CACNA1G: variants seen among roughly 807,000 people sequenced by gnomAD.
CACNA1G encodes the protein voltage-dependent T-type calcium channel subunit alpha-1G.
In CACNA1G, 67 loss-of-function variants were observed where a neutral mutation model predicts 219.4. The observed-to-expected ratio is 0.31, with a 90% CI of 0.25 to 0.37. The LOEUF (loss-of-function observed/expected upper bound fraction) is 0.37, where lower values mean the gene tolerates loss of function less well. CACNA1G is among the 10% of genes least tolerant of loss of function. CACNA1G has a pLI of 1.00. For missense variants in CACNA1G, 2,380 were observed against 3,231.4 expected, an observed-to-expected ratio of 0.74 and a Z score of 6.39; for synonymous variants, 1,296 against 1,345.3, an observed-to-expected ratio of 0.96 and a Z score of 0.80.
intron 17 of CACNA1G, 38 bp downstream of exon 17, chr17:50,599,897 A>G (rs1194936259): frequency 6.3e-7 from 1 of 1,576,548 alleles, no homozygotes. Flanking sequence ...CTCACCCCTG[A>G]CCTTGAAAGA....
At chr17:50,580,265 G>A (rs1282039994) in intron 9 of CACNA1G, among the ~76,000 whole-genome samples, 2 of 152,216 alleles carry the variant, frequency 1.3e-5, no homozygotes, top group Non-Finnish European at 2.9e-5. Flanking sequence ...ATTGGTGGCA[G>A]TGGGGGGTGG....
Position 50,616,378 on chromosome 17 carries a change from A to G in CACNA1G, c.5015A>G (p.Gln1672Arg), listed in dbSNP as rs2050601099. The change falls in exon 28 of 38, where the codon CAG (glutamine) becomes CGG (arginine). Residue 1672 changes from glutamine (Q) to arginine (R), a missense_variant. Gln to Arg is a conservative substitution (Grantham distance 43). Around this residue, in one of 17 missense-constraint regions of CACNA1G, gnomAD observed 123 missense variants for 258.4 expected, o/e 0.48. Coordinates refer to ENST00000359106, the MANE Select transcript of CACNA1G (RefSeq NM_018896.5). ...LVAFGFRRFF[Q>R]DRWNQLDLAI... ...GCCTTTGGTTTCCGTCGGTTCTTCC[A>G]GGACAGGTAACGGAGAAAAGGGGGG... 1 of 1,603,970 alleles carries G rather than the reference A, an allele frequency of 6.2e-7. No individual in the cohort carries two copies. The highest frequency in any genetic ancestry group is 1.7e-5 in the Admixed American group (1 of 59,924).
In CACNA1G at chr17:50,561,083, G is replaced by GC. The variant is rs1296686685; in HGVS notation, c.-371dup. ...CCCCGGACCCCCGCCCTCCGCCGCT[G>GC]CCCCCCTTTTCGTTCGCCCTCTCGG... is the stretch of plus-strand genomic sequence containing the variant. On this transcript the variant is annotated 5_prime_UTR_variant, in exon 1 of 38. Coordinates refer to ENST00000359106, the MANE Select transcript of CACNA1G (RefSeq NM_018896.5). The GC allele has an allele frequency of 2.3e-6, 1 of 436,204 alleles. No homozygotes were observed. Among genetic ancestry groups the GC allele is most frequent in the South Asian group, 1.7e-5 (1 of 60,190 alleles). The allele number at this position is 436,204 out of a possible 1,614,324, so 27.0% of individuals were successfully genotyped here. A position where few individuals can be genotyped will look rare whatever the true frequency, so the allele number is the denominator to read the frequency against.
At chr17:50,566,762 CCA>C (rs2037987433) in intron 1 of CACNA1G, among the ~76,000 whole-genome samples, 1 of 152,208 alleles carries the variant, frequency 6.6e-6, no homozygotes, top group Non-Finnish European at 1.5e-5. Flanking sequence ...CTGCTCCGTG[CCA>C]GGCACTACAG....
At chr17:50,604,091 T>A in intron 21 of CACNA1G, 64 bp from the exon 22 acceptor site, 1 of 1,539,832 alleles carries the variant, frequency 6.5e-7, no homozygotes, top group Non-Finnish European at 8.8e-7. Flanking sequence ...GGGAGCAGGG[T>A]CAAGGGACAA....
intron 8 of CACNA1G, among the ~76,000 whole-genome samples, chr17:50,577,760 C>T (rs530284979): frequency 5.9e-5 from 9 of 151,964 alleles, no homozygotes; most frequent in Admixed American, 1.3e-4. Flanking sequence ...TGCAGGTGCA[C>T]GTGTCTGGTG....
chr17:50,610,832 A>G (rs969811261), intron 26 of CACNA1G, among the ~76,000 whole-genome samples: 2 of 152,202 alleles, frequency 1.3e-5, no homozygotes, highest in Non-Finnish European at 2.9e-5. Context: ...ATTGCTAATC[A>G]CAGCTTCTGA....
chr17:50,568,174 C>A (rs896573840), intron 1 of CACNA1G, among the ~76,000 whole-genome samples: 1 of 152,158 alleles, frequency 6.6e-6, no homozygotes, highest in Non-Finnish European at 1.5e-5. Flanking sequence ...GTCTGCCTTA[C>A]ACCTAGTGCC....
chr17:50,588,449 C>T (rs75874977), intron 9 of CACNA1G, among the ~76,000 whole-genome samples: 7,526 of 78,332 alleles, frequency 0.096, 267 homozygotes, highest in African/African-American at 0.18. Context: ...GAGGGTTTGC[C>T]GACTCCCGCT....
intron 19 of CACNA1G, among the ~76,000 whole-genome samples, chr17:50,602,344 G>C (rs963468320): frequency 1.1e-4 from 17 of 152,350 alleles, no homozygotes; most frequent in Non-Finnish European, 1.9e-4. Context: ...CCCTGCCCCA[G>C]CCTGTGCCTG....
chr17:50,572,476 C>T, intron 5 of CACNA1G, 78 bp from the exon 6 acceptor site: 2 of 1,256,466 alleles, frequency 1.6e-6, no homozygotes, highest in African/African-American at 1.5e-5. Context: ...AGCACTCGTG[C>T]CATCTCTCCC....
At chr17:50,612,003 C>A (rs1212526486) in intron 26 of CACNA1G, among the ~76,000 whole-genome samples, 2 of 152,236 alleles carry the variant, frequency 1.3e-5, no homozygotes, top group Non-Finnish European at 2.9e-5. Context: ...CTCAGAGACC[C>A]CGAACAAGGG....
At chr17:50,570,880 C>T (rs1039150169) in intron 4 of CACNA1G, among the ~76,000 whole-genome samples, 6 of 152,076 alleles carry the variant, frequency 3.9e-5, no homozygotes, top group African/African-American at 7.2e-5. Flanking sequence ...CGAGGCTGGG[C>T]GCTGCAGTCA....
In CACNA1G at chr17:50,617,529, C is replaced by T; in HGVS notation, c.5113C>T (p.Pro1705Ser). ...IEVNASLPIN[P>S]TIIRIMRVLR... ...GGTCAACGCCTCGCTGCCCATCAAC[C>T]CCACCATCATCCGCATCATGAGGGT... The change falls in exon 29 of 38, where the codon CCC becomes TCC. Residue 1705 changes from proline to serine, a missense_variant. By Grantham distance (74) the Pro-to-Ser change is moderately conservative. This residue lies in a region of CACNA1G where 123 missense variants were observed against 258.4 expected (regional missense o/e 0.48). Transcript: ENST00000359106. This position sits in a 1 kb window ranked among gnomAD's most constrained non-coding sequence, Gnocchi z 5.8. The T allele has an allele frequency of 6.2e-7, 1 of 1,614,052 alleles. No individual in the cohort carries two copies. Among genetic ancestry groups the T allele is most frequent in the Non-Finnish European group, 8.5e-7 (1 of 1,179,896 alleles).
At chr17:50,607,802 G>A (rs374453481) in intron 24 of CACNA1G, 25 bp from the exon 25 acceptor site, 11 of 1,608,052 alleles carry the variant, frequency 6.8e-6, no homozygotes, top group East Asian at 2.2e-5. Context: ...TGATGCCTCC[G>A]CCTGTCCTTC....
chr17:50,620,972 C>T (rs1306570306), intron 34 of CACNA1G, among the ~76,000 whole-genome samples: 8 of 152,208 alleles, frequency 5.3e-5, no homozygotes, highest in Non-Finnish European at 2.9e-5. Context: ...CCCTGGGTCC[C>T]AGGTGAGCCA....
In CACNA1G at chr17:50,618,222, A is replaced by C. The variant is rs762006981; in HGVS notation, c.5306A>C (p.Glu1769Ala). Reference protein sequence around the residue: ...ALGVELFGDLECDETHPCEGL... With the variant: ...ALGVELFGDLACDETHPCEGL... ...TCTCCCCCTTTCCCTCCTCCCCCAGAGTGTGACGAGACACACCCCTGTGAG... is the reference window on the plus strand; with the variant it reads ...TCTCCCCCTTTCCCTCCTCCCCCAGCGTGTGACGAGACACACCCCTGTGAG... Residue 1769 changes from glutamate (E) to alanine (A), a missense_variant and splice_region_variant, in exon 32 of 38, where the codon GAG becomes GCG. By Grantham distance (107) the Glu-to-Ala change is moderately radical. This residue lies in a region of CACNA1G where 123 missense variants were observed against 258.4 expected (regional missense o/e 0.48). Coordinates refer to ENST00000359106, the MANE Select transcript of CACNA1G (RefSeq NM_018896.5). This position sits in a 1 kb window ranked among gnomAD's most constrained non-coding sequence, Gnocchi z 5.3. 6.2e-7 allele frequency: 1 copy of C among 1,613,500 alleles called. No homozygotes were observed. The highest frequency in any genetic ancestry group is 8.5e-7 in the Non-Finnish European group (1 of 1,179,654).
At chr17:50,582,513 A>T (rs2042165411) in intron 9 of CACNA1G, among the ~76,000 whole-genome samples, 1 of 152,152 alleles carries the variant, frequency 6.6e-6, no homozygotes, top group Admixed American at 6.5e-5. Context: ...GCTGGGAGAC[A>T]TGTTGCATAC....
intron 36 of CACNA1G, 36 bp from the exon 37 acceptor site, chr17:50,624,324 T>TCCCCCCCCCCCCCCCCCCCCCCC: frequency 8.5e-7 from 1 of 1,177,664 alleles, no homozygotes; most frequent in Non-Finnish European, 1.2e-6. Context: ...CTCCATTCTC[T>TCCCCCCCCCCCCCCCCCCCCCCC]CCCCCCACCC....
Sources: allele counts gnomAD v4.1 joint callset (sites outside exome capture counted in the v4.1 genomes callset), GRCh38; gene constraint gnomAD v4.1.1; regional missense constraint gnomAD v4.1.1; non-coding constraint Gnocchi (gnomAD v3.1); transcripts MANE v1.5; gene names NCBI Gene and HGNC (gene_info 2026-07-23, HGNC 2026-07-21).